The following ANGPT2 variants were observed in gnomAD, a reference collection of about 807,000 sequenced individuals.
ANGPT2 encodes angiopoietin-2.
In ANGPT2, 28 loss-of-function variants were observed where a neutral mutation model predicts 62.9. The observed-to-expected ratio is 0.44, with a 90% CI of 0.33 to 0.61. The LOEUF (loss-of-function observed/expected upper bound fraction) is 0.61. Among genes scored for constraint, ANGPT2 ranks in the 20% least tolerant of loss-of-function variants. The pLI, the probability that ANGPT2 is intolerant of heterozygous loss-of-function variation, is 0.03. For missense variants in ANGPT2, 727 were observed against 594.9 expected (o/e 1.22, Z -2.31); for synonymous variants, 284 against 207.8 (o/e 1.37, Z -3.15).
chr8:6,522,664 C>T (rs1817585548), intron 3 of ANGPT2, among the ~76,000 whole-genome samples: 1 of 151,602 alleles, frequency 6.6e-6, no homozygotes, highest in Admixed American at 6.6e-5. Context: ...ATCCCAGCTA[C>T]TCAGGAGGCT....
intron 1 of ANGPT2, among the ~76,000 whole-genome samples, chr8:6,557,112 T>G (rs1201059029): frequency 1.3e-5 from 2 of 152,202 alleles, no homozygotes; most frequent in Admixed American, 1.3e-4. Context: ...AAATTCATGT[T>G]CATTCACACT....
intron 1 of ANGPT2, 63 bp from the exon 2 acceptor site, chr8:6,532,550 T>A: frequency 1.7e-6 from 2 of 1,208,872 alleles, no homozygotes; most frequent in Non-Finnish European, 2.2e-6. Context: ...GATTCCTAAA[T>A]GTTTGTCGTC....
intron 3 of ANGPT2, among the ~76,000 whole-genome samples, chr8:6,523,152 C>T (rs1277075351): frequency 6.6e-6 from 1 of 152,090 alleles, no homozygotes; most frequent in Non-Finnish European, 1.5e-5. Context: ...CGCATGTCAC[C>T]ATGTCAGGCT....
At chr8:6,555,000 C>G (rs1824337312) in intron 1 of ANGPT2, among the ~76,000 whole-genome samples, 1 of 152,134 alleles carries the variant, frequency 6.6e-6, no homozygotes, top group African/African-American at 2.4e-5. Flanking sequence ...GACCTAGAGT[C>G]CAGGCAGTGG....
chr8:6,528,629 C>T (rs1255906667), intron 2 of ANGPT2, among the ~76,000 whole-genome samples: 1 of 152,222 alleles, frequency 6.6e-6, no homozygotes, highest in East Asian at 1.9e-4. Flanking sequence ...ATGAGCAGTG[C>T]GGCTCTCCCG....
chr8:6,556,772 G>C (rs1208743830), intron 1 of ANGPT2, among the ~76,000 whole-genome samples: 1 of 151,976 alleles, frequency 6.6e-6, no homozygotes, highest in African/African-American at 2.4e-5. Context: ...TGCCATTGTA[G>C]AGATGGGGGT....
chr8:6,562,611 A>G (rs774850966), intron 1 of ANGPT2, 36 bp downstream of exon 1: 1 of 1,221,508 alleles, frequency 8.2e-7, no homozygotes, highest in Non-Finnish European at 1.1e-6. Context: ...TGATCTTAAT[A>G]GCATGTTCAC....
intron 1 of ANGPT2, among the ~76,000 whole-genome samples, chr8:6,533,007 C>G (rs936596076): frequency 6.6e-6 from 1 of 152,250 alleles, no homozygotes; most frequent in Non-Finnish European, 1.5e-5. Context: ...TCCTTTTAAC[C>G]TACGGAATCA....
rs542761717 is a variant in ANGPT2, at chr8:6,534,651, T to G, written c.289-2164A>C. ...AAGTATTAAAAAATTTTTAAAAATT[T>G]AAAAAAATAAAAAATCAGTCACTGA... is the stretch of plus-strand genomic sequence containing the variant. On this transcript the variant is annotated intron_variant, in intron 1 of 8. Coordinates refer to ENST00000629816, the MANE Select transcript of ANGPT2 (RefSeq NM_001118887.2). Among the ~76,000 whole-genome samples the G allele has an allele frequency of 2.0e-5, 3 of 152,176 alleles. No individual in the cohort carries two copies. The South Asian group carries it at 6.3e-4, about 32-fold the overall frequency.
Position 6,532,458 on chromosome 8 carries a change from C to T in ANGPT2, c.318G>A (p.Lys106=), listed in dbSNP as rs748283483. Residue 106 remains lysine, a synonymous_variant, in exon 2 of 9, where the codon AAG becomes AAA. Transcript: ENST00000629816. ...KLENYIQDNM[K]KEMVEIQQNA... is the part of the protein sequence containing the mutation. ...TCTGCTGTATCTCTACCATTTCTTT[C>T]TTCATGTTGTCCTGGATATAATTCT... 3.2e-5 allele frequency: 51 copies of T among 1,613,272 alleles called. No individual in the cohort carries two copies. Among genetic ancestry groups the T allele is most frequent in the Non-Finnish European group, 4.2e-5 (50 of 1,179,834 alleles).
At position 6,555,423 on chromosome 8, in the gene ANGPT2, T is replaced by G. The variant is rs74300093; in HGVS notation, c.288+7224A>C. On this transcript the variant is annotated intron_variant, in intron 1 of 8. Transcript: ENST00000629816. The stretch of plus-strand genomic sequence containing the variant: ...GTAAGAATATCCCATGTATACTTCC[T>G]CTTGGTTATAACATAATTTGTTTTA... 4.2e-4 allele frequency among the ~76,000 whole-genome samples: 64 copies of G among 151,962 alleles called. 1 individual carries two copies. The East Asian group carries it at 0.01, about 24-fold the overall frequency.
chr8:6,522,635 G>T (rs1022573688), intron 3 of ANGPT2, among the ~76,000 whole-genome samples: 2 of 151,728 alleles, frequency 1.3e-5, no homozygotes, highest in Non-Finnish European at 2.9e-5. Flanking sequence ...TTAGCCAAGC[G>T]TGGGGGTACA....
chr8:6,552,445 C>A (rs1823818951), intron 1 of ANGPT2, among the ~76,000 whole-genome samples: 1 of 152,138 alleles, frequency 6.6e-6, no homozygotes, highest in Non-Finnish European at 1.5e-5. Flanking sequence ...AAAAGGAATT[C>A]ATTATCTTTC....
chr8:6,525,721 A>G (rs895537515), intron 3 of ANGPT2, among the ~76,000 whole-genome samples: 1 of 152,242 alleles, frequency 6.6e-6, no homozygotes, highest in African/African-American at 2.4e-5. Context: ...AAAATCATCA[A>G]CACTATTTTC....
chr8:6,524,370 G>T (rs188117902), intron 3 of ANGPT2, among the ~76,000 whole-genome samples: 1 of 152,144 alleles, frequency 6.6e-6, no homozygotes, highest in East Asian at 1.9e-4. Context: ...GCTTTTCTGC[G>T]AAGGCATATG....
At chr8:6,537,940 C>T (rs566130200) in intron 1 of ANGPT2, among the ~76,000 whole-genome samples, 1 of 152,034 alleles carries the variant, frequency 6.6e-6, no homozygotes, top group Non-Finnish European at 1.5e-5. Context: ...AGTTTTTGTC[C>T]ATCTGAGTGA....
chr8:6,553,759 C>G (rs1233181660), intron 1 of ANGPT2, among the ~76,000 whole-genome samples: 2 of 151,984 alleles, frequency 1.3e-5, no homozygotes, highest in African/African-American at 4.8e-5. Context: ...TGGCAGTTTC[C>G]CCATCCCCTT....
chr8:6,505,164 C>T (rs1443035236), intron 8 of ANGPT2, among the ~76,000 whole-genome samples: 1 of 66,320 alleles, frequency 1.5e-5, no homozygotes, highest in Non-Finnish European at 3.7e-5. Context: ...AATAAAAACT[C>T]TATGCCAAAG....
chr8:6,546,105 C>G (rs1822535553), intron 1 of ANGPT2, among the ~76,000 whole-genome samples: 2 of 152,216 alleles, frequency 1.3e-5, no homozygotes, highest in Non-Finnish European at 2.9e-5. Flanking sequence ...CATCACATTT[C>G]TGGTTGGTAA....
Sources: gnomAD v4.1 joint callset for allele counts (sites outside exome capture counted in the v4.1 genomes callset) on GRCh38, gnomAD v4.1.1 for gene constraint, MANE v1.5 for transcripts, NCBI Gene and HGNC (gene_info 2026-07-23, HGNC 2026-07-21) for gene names.